Variants in SDK1 observed in about 807,000 individuals in gnomAD.
SDK1 encodes sidekick cell adhesion molecule 1.
In SDK1, 157 loss-of-function variants were observed where a neutral mutation model predicts 245.5. The ratio of observed to expected loss-of-function variants is 0.64; its 90% CI spans 0.56 to 0.73. The LOEUF is 0.73. Ranked by LOEUF, SDK1 falls within the 30% of genes least tolerant of loss-of-function variation. SDK1 has a pLI of 0.00. For synonymous variants in SDK1, 1,647 were observed against 1,278.5 expected (o/e 1.29, Z -6.15); for missense variants, 3,583 against 3,002.3 (o/e 1.19, Z -4.52).
At chr7:3,862,261 T>TC (rs1162463736) in intron 5 of SDK1, among the ~76,000 whole-genome samples, 2 of 152,188 alleles carry the variant, frequency 1.3e-5, no homozygotes, top group African/African-American at 4.8e-5. Flanking sequence ...CATCAGAATG[T>TC]CTGGGGGAGG....
intron 4 of SDK1, among the ~76,000 whole-genome samples, chr7:3,754,766 G>C (rs1779872679): frequency 6.6e-6 from 1 of 152,166 alleles, no homozygotes; most frequent in Non-Finnish European, 1.5e-5. Context: ...AGTCTCATTT[G>C]ACAAGATAGT....
chr7:3,497,702 T>A (rs58968045), intron 1 of SDK1, among the ~76,000 whole-genome samples: 1 of 152,160 alleles, frequency 6.6e-6, no homozygotes, highest in Non-Finnish European at 1.5e-5. Flanking sequence ...AATGAAAGAA[T>A]AAAATCACAT....
chr7:3,912,041 C>A (rs1779186459), intron 5 of SDK1, among the ~76,000 whole-genome samples: 1 of 152,084 alleles, frequency 6.6e-6, no homozygotes, highest in Non-Finnish European at 1.5e-5. Context: ...GGCAAGGGGG[C>A]CCTGTTCACT....
chr7:3,402,751 A>T (rs1302143873), intron 1 of SDK1, among the ~76,000 whole-genome samples: 2 of 152,184 alleles, frequency 1.3e-5, no homozygotes, highest in Non-Finnish European at 2.9e-5. Context: ...AATGTGTTTA[A>T]GTTGCAATAT....
At chr7:3,635,254 A>T (rs545512049) in intron 2 of SDK1, among the ~76,000 whole-genome samples, 48 of 152,356 alleles carry the variant, frequency 3.2e-4, no homozygotes, top group African/African-American at 1.0e-3. Context: ...AAATTTTAAG[A>T]TTAAAACTCA....
chr7:3,671,908 G>T (rs113139299), intron 4 of SDK1, among the ~76,000 whole-genome samples: 1 of 152,116 alleles, frequency 6.6e-6, no homozygotes. Context: ...CTTATTGTTT[G>T]TGTTTATAAT....
chr7:3,328,265 A>G (rs1779983320), intron 1 of SDK1, among the ~76,000 whole-genome samples: 1 of 152,114 alleles, frequency 6.6e-6, no homozygotes, highest in Admixed American at 6.6e-5. Context: ...TTGTGGTGTT[A>G]TTTTGAATTA....
At chr7:3,329,042 C>T (rs892705404) in intron 1 of SDK1, among the ~76,000 whole-genome samples, 3 of 152,216 alleles carry the variant, frequency 2.0e-5, no homozygotes, top group Non-Finnish European at 2.9e-5. Flanking sequence ...TCACCGATGC[C>T]GTTTATCCCC....
chr7:3,553,887 C>T (rs1378556970), intron 1 of SDK1, among the ~76,000 whole-genome samples: 1 of 152,188 alleles, frequency 6.6e-6, no homozygotes, highest in Non-Finnish European at 1.5e-5. Flanking sequence ...CCTTCACTCC[C>T]TCAGGCAGCA....
At chr7:3,341,469 T>C (rs1166945532) in intron 1 of SDK1, among the ~76,000 whole-genome samples, 1 of 152,290 alleles carries the variant, frequency 6.6e-6, no homozygotes, top group African/African-American at 2.4e-5. Flanking sequence ...GTCTTACCTT[T>C]GCTGTCCAAA....
chr7:4,202,604 C>A (rs1783953820), intron 35 of SDK1, among the ~76,000 whole-genome samples: 1 of 152,206 alleles, frequency 6.6e-6, no homozygotes, highest in Admixed American at 6.5e-5. Flanking sequence ...GGATGACCTT[C>A]CGCCTGGCGG....
intron 17 of SDK1, among the ~76,000 whole-genome samples, chr7:4,044,032 A>G (rs1219545247): frequency 6.6e-6 from 1 of 151,960 alleles, no homozygotes; most frequent in East Asian, 1.9e-4. Context: ...CTGGTCATCT[A>G]TTGCTGCCTA....
intron 1 of SDK1, among the ~76,000 whole-genome samples, chr7:3,318,465 C>G (rs1274373181): frequency 6.6e-6 from 1 of 152,202 alleles, no homozygotes; most frequent in African/African-American, 2.4e-5. Context: ...AGCACAGTGT[C>G]TTGCTTAATA....
chr7:3,777,045 G>C lies in SDK1; in HGVS notation c.714-44405G>C, dbSNP rs61509677. On this transcript the variant is annotated intron_variant, in intron 4 of 44. Transcript: ENST00000404826. Reference sequence around the variant, plus strand: ...GCCTCAGATACCTGCTTCCTCACTGGTAATTGTGATGATATTTTTCTCTAA... The same window carrying C: ...GCCTCAGATACCTGCTTCCTCACTGCTAATTGTGATGATATTTTTCTCTAA... Among the ~76,000 whole-genome samples the C allele has an allele frequency of 5.5e-3, 838 of 152,154 alleles. 9 individuals are homozygous for C. The highest frequency in any genetic ancestry group is 0.019 in the African/African-American group (802 of 41,506).
chr7:3,429,701 A>G (rs916796193), intron 1 of SDK1, among the ~76,000 whole-genome samples: 7 of 151,130 alleles, frequency 4.6e-5, no homozygotes, highest in African/African-American at 1.5e-4. Flanking sequence ...GGCTCAAGCA[A>G]TCCTCCCGCC....
At chr7:3,672,794 T>TATAAAA (rs1468918926) in intron 4 of SDK1, among the ~76,000 whole-genome samples, 1 of 65,562 alleles carries the variant, frequency 1.5e-5, no homozygotes, top group East Asian at 4.3e-4. Context: ...TATATATATA[T>TATAAAA]AAAAAATACA....
At position 3,941,411 on chromosome 7, in the gene SDK1, G is replaced by C. The variant is rs574244852; in HGVS notation, c.848-9512G>C. Among the ~76,000 whole-genome samples, 3 of 152,018 alleles carry C rather than the reference G, an allele frequency of 2.0e-5. No homozygotes were observed. In the East Asian group the frequency reaches 5.8e-4, roughly 30 times the overall value. On this transcript the variant is annotated intron_variant, in intron 5 of 44. Coordinates refer to ENST00000404826, the MANE Select transcript of SDK1 (RefSeq NM_152744.4). ...TGATGGATCAAGTCCACACTCCTGA[G>C]TGTGGCGCTCCTGCCTCCTCCGTGG... is the stretch of plus-strand genomic sequence containing the variant.
chr7:3,679,333 G>A (rs890218935), intron 4 of SDK1, among the ~76,000 whole-genome samples: 1 of 152,044 alleles, frequency 6.6e-6, no homozygotes, highest in African/African-American at 2.4e-5. Flanking sequence ...TTGGGAGGCC[G>A]AGGCGGGTGG....
chr7:4,175,898 G>C, intron 34 of SDK1, 64 bp downstream of exon 34: 1 of 1,460,314 alleles, frequency 6.8e-7, no homozygotes, highest in Non-Finnish European at 9.5e-7. Flanking sequence ...AGAGCCAGCT[G>C]GTCTCTCAGT....
Sources: allele counts gnomAD v4.1 joint callset (sites outside exome capture counted in the v4.1 genomes callset), GRCh38; gene constraint gnomAD v4.1.1; transcripts MANE v1.5; gene names NCBI Gene and HGNC (gene_info 2026-07-23, HGNC 2026-07-21).